KIRREL3: variants seen among roughly 807,000 people sequenced by gnomAD.
KIRREL3 encodes kin of IRRE-like protein 3.
A neutral mutation model predicts 89.7 loss-of-function variants in KIRREL3; 36 were observed. The observed-to-expected ratio is 0.40, with a 90% CI of 0.31 to 0.53. The LOEUF is 0.53. KIRREL3 is among the 20% of genes least tolerant of loss of function. The pLI, the probability that KIRREL3 is intolerant of heterozygous loss-of-function variation, is 0.49. For missense variants in KIRREL3, 864 were observed against 1,056.6 expected (o/e 0.82, Z 2.53); for synonymous variants, 445 against 441.4 (o/e 1.01, Z -0.10).
rs1218391822 is a variant in KIRREL3, at chr11:126,860,173, T to C, written c.55+140282A>G. Reference sequence around the variant, plus strand: ...AATTAATTTCAATACAACAAACAGGTAACGAGCATTTGTGATGTGCCCGTT... The same window carrying C: ...AATTAATTTCAATACAACAAACAGGCAACGAGCATTTGTGATGTGCCCGTT... On this transcript the variant is annotated intron_variant, in intron 1 of 16. Transcript: ENST00000525144. This position sits in a 1 kb window ranked among gnomAD's most constrained non-coding sequence, Gnocchi z 4.6. Among the ~76,000 whole-genome samples the C allele has an allele frequency of 6.6e-6, 1 of 152,174 alleles. No individual in the cohort carries two copies. The highest frequency in any genetic ancestry group is 2.4e-5 in the African/African-American group (1 of 41,456).
At chr11:126,866,929 C>A (rs1192701368) in intron 1 of KIRREL3, among the ~76,000 whole-genome samples, 1 of 152,186 alleles carries the variant, frequency 6.6e-6, no homozygotes, top group East Asian at 1.9e-4. Context: ...ATCCTCCAAG[C>A]CCACATGGGA....
At chr11:126,950,836 A>T (rs1379936085) in intron 1 of KIRREL3, among the ~76,000 whole-genome samples, 5 of 152,252 alleles carry the variant, frequency 3.3e-5, no homozygotes, top group Admixed American at 2.0e-4. Context: ...GATGAAGAAG[A>T]TTAGACTGAA....
chr11:126,588,423 T>C (rs560166320), intron 1 of KIRREL3, among the ~76,000 whole-genome samples: 1 of 152,326 alleles, frequency 6.6e-6, no homozygotes, highest in South Asian at 2.1e-4. Flanking sequence ...AGGGCTATGC[T>C]GGCTGATAGG....
intron 1 of KIRREL3, among the ~76,000 whole-genome samples, chr11:126,616,998 A>C (rs189575232): frequency 6.6e-6 from 1 of 152,380 alleles, no homozygotes; most frequent in Admixed American, 6.5e-5. Context: ...TTACTTAAAC[A>C]TGACTTAAAA....
In KIRREL3 at chr11:126,694,451, G is replaced by A. The variant is rs949583918; in HGVS notation, c.56-131539C>T. On this transcript the variant is annotated intron_variant, in intron 1 of 16. Coordinates refer to ENST00000525144, the MANE Select transcript of KIRREL3 (RefSeq NM_032531.4). This position sits in a 1 kb window ranked among gnomAD's most constrained non-coding sequence, Gnocchi z 4.4. The stretch of plus-strand genomic sequence containing the variant: ...ACGCTCCGTGACATTTAAAAGTGGG[G>A]AAGGAAAATACTGCAGAGGAAGCAG... 3.3e-5 allele frequency among the ~76,000 whole-genome samples: 5 copies of A among 152,290 alleles called. No homozygotes were observed. The highest frequency in any genetic ancestry group is 1.3e-4 in the Admixed American group (2 of 15,294).
chr11:126,700,822 C>G (rs547327114), intron 1 of KIRREL3, among the ~76,000 whole-genome samples: 4 of 152,362 alleles, frequency 2.6e-5, no homozygotes, highest in Admixed American at 6.5e-5. Flanking sequence ...CTGAGATCTT[C>G]TTTACAGGCA....
In KIRREL3 at chr11:126,440,569, C is replaced by T. The variant is rs374186757; in HGVS notation, c.1253-20G>A. 7.0e-6 allele frequency: 11 copies of T among 1,574,828 alleles called. No homozygotes were observed. The African/African-American group carries it at 1.5e-4, about 21-fold the overall frequency. Reference sequence around the variant, plus strand: ...GGGGTCCTGTTGAGAAACAGCGTCCCATTAGGCACCCGGGAAGGGCACGTC... The same window carrying T: ...GGGGTCCTGTTGAGAAACAGCGTCCTATTAGGCACCCGGGAAGGGCACGTC... On this transcript the variant is annotated intron_variant, in intron 10 of 16. Coordinates refer to ENST00000525144, the MANE Select transcript of KIRREL3 (RefSeq NM_032531.4).
rs35616832 is a variant in KIRREL3, at chr11:126,496,760, G to T, written c.434-23294C>A. The stretch of plus-strand genomic sequence containing the variant: ...CCTGCGTGCGAACTCAAGGCCTGAG[G>T]CTGTAGGCAGGGAGTCAGGGCTGGG... On this transcript the variant is annotated intron_variant, in intron 4 of 16. Transcript: ENST00000525144. The surrounding 1 kb of genome is among the most constrained non-coding windows in gnomAD (Gnocchi z 4.9). Among the ~76,000 whole-genome samples the T allele has an allele frequency of 0.31, 46,577 of 151,910 alleles. 7,696 individuals are homozygous for T. The highest frequency in any genetic ancestry group is 0.37 in the Non-Finnish European group (25,102 of 67,934).
At chr11:126,951,489 G>A (rs570553021) in intron 1 of KIRREL3, among the ~76,000 whole-genome samples, 5 of 152,292 alleles carry the variant, frequency 3.3e-5, no homozygotes, top group Admixed American at 6.5e-5. Context: ...GAGGTATCAG[G>A]AGGAGATTAT....
chr11:126,707,934 C>T (rs952674121), intron 1 of KIRREL3, among the ~76,000 whole-genome samples: 9 of 151,908 alleles, frequency 5.9e-5, no homozygotes, highest in Non-Finnish European at 1.2e-4. Flanking sequence ...TGTGGGCCAT[C>T]CCCATGCATT....
intron 1 of KIRREL3, among the ~76,000 whole-genome samples, chr11:126,893,611 C>T (rs544183875): frequency 6.6e-6 from 1 of 152,340 alleles, no homozygotes; most frequent in South Asian, 2.1e-4. Flanking sequence ...GGCCCGGCTA[C>T]CCGGGTTACC....
At position 126,947,932 on chromosome 11, in the gene KIRREL3, T is replaced by C. The variant is rs149143955; in HGVS notation, c.55+52523A>G. On this transcript the variant is annotated intron_variant, in intron 1 of 16. Coordinates refer to ENST00000525144, the MANE Select transcript of KIRREL3 (RefSeq NM_032531.4). ...GGGGCCATGATGCTGGAATGGGAGGTGAACTGGAACTGTGAAGCTACTTGA... is the reference window on the plus strand; with the variant it reads ...GGGGCCATGATGCTGGAATGGGAGGCGAACTGGAACTGTGAAGCTACTTGA... 2.3e-3 allele frequency among the ~76,000 whole-genome samples: 357 copies of C among 152,098 alleles called. 7 individuals carry two copies. Among genetic ancestry groups the C allele is most frequent in the Non-Finnish European group, 6.0e-4 (41 of 67,982 alleles).
rs1958844198 is a variant in KIRREL3 at position 126,528,749 on chromosome 11, G to A, written c.134-2062C>T. 2.0e-5 allele frequency among the ~76,000 whole-genome samples: 3 copies of A among 151,276 alleles called. No individual in the cohort carries two copies. The highest frequency in any genetic ancestry group is 7.3e-5 in the African/African-American group (3 of 41,076). Reference sequence around the variant, plus strand: ...ATGAGAGAGGAGAAGGGGAGAGGAGGGAGGGACTGGAGAGAGAGCAAAGGA... The same window carrying A: ...ATGAGAGAGGAGAAGGGGAGAGGAGAGAGGGACTGGAGAGAGAGCAAAGGA... On this transcript the variant is annotated intron_variant, in intron 2 of 16. Transcript: ENST00000525144. The surrounding 1 kb of genome is among the most constrained non-coding windows in gnomAD (Gnocchi z 4.6).
intron 4 of KIRREL3, among the ~76,000 whole-genome samples, chr11:126,518,888 G>A (rs558937769): frequency 2.8e-4 from 42 of 152,242 alleles, no homozygotes; most frequent in Non-Finnish European, 4.9e-4. Flanking sequence ...AGTGTCCCAG[G>A]GAGTCAGCGA....
chr11:126,646,222 T>C (rs1362407727), intron 1 of KIRREL3, among the ~76,000 whole-genome samples: 2 of 152,138 alleles, frequency 1.3e-5, no homozygotes, highest in African/African-American at 4.8e-5. Flanking sequence ...GGGTTTGTGC[T>C]CTAGCATCTG....
Position 126,487,780 on chromosome 11 carries a change from C to T in KIRREL3, c.434-14314G>A, listed in dbSNP as rs148911662. Among the ~76,000 whole-genome samples the T allele has an allele frequency of 5.0e-3, 766 of 152,316 alleles. 11 individuals carry two copies. The highest frequency in any genetic ancestry group is 0.018 in the African/African-American group (739 of 41,570). The stretch of plus-strand genomic sequence containing the variant: ...TGGGGAGGGAGGCCTGGCCTTTTTA[C>T]CCTGTGGGGACAGTCACTGGAAGTG... On this transcript the variant is annotated intron_variant, in intron 4 of 16. Coordinates refer to ENST00000525144, the MANE Select transcript of KIRREL3 (RefSeq NM_032531.4).
At position 126,704,826 on chromosome 11, in the gene KIRREL3, A is replaced by G. The variant is rs1469048703; in HGVS notation, c.56-141914T>C. 6.6e-6 allele frequency among the ~76,000 whole-genome samples: 1 copy of G among 152,210 alleles called. No individual in the cohort carries two copies. Among genetic ancestry groups the G allele is most frequent in the East Asian group, 1.9e-4 (1 of 5,190 alleles). Reference sequence around the variant, plus strand: ...ACAAAACAAGCTGGGGGGCTCCTAAAGGAAGATACTGGGATTCTCAATAGG... The same window carrying G: ...ACAAAACAAGCTGGGGGGCTCCTAAGGGAAGATACTGGGATTCTCAATAGG... On this transcript the variant is annotated intron_variant, in intron 1 of 16. Coordinates refer to ENST00000525144, the MANE Select transcript of KIRREL3 (RefSeq NM_032531.4). The surrounding 1 kb of genome is among the most constrained non-coding windows in gnomAD (Gnocchi z 4.2).
At chr11:126,690,556 T>C (rs1217993875) in intron 1 of KIRREL3, among the ~76,000 whole-genome samples, 1 of 152,160 alleles carries the variant, frequency 6.6e-6, no homozygotes, top group African/African-American at 2.4e-5. Context: ...TTTTGGGGTT[T>C]TCTGGGTGTC....
intron 1 of KIRREL3, among the ~76,000 whole-genome samples, chr11:126,986,873 T>C (rs642870): frequency 0.13 from 19,029 of 152,182 alleles, 1,386 homozygotes; most frequent in Middle Eastern, 0.21. Context: ...AGTGTCCACA[T>C]GGAGGTGAAA....
Sources: gnomAD v4.1 joint callset for allele counts (sites outside exome capture counted in the v4.1 genomes callset) on GRCh38, gnomAD v4.1.1 for gene constraint, Gnocchi (gnomAD v3.1) non-coding constraint, MANE v1.5 for transcripts, NCBI Gene and HGNC (gene_info 2026-07-23, HGNC 2026-07-21) for gene names.